The following KCNT2 variants were observed in gnomAD, a reference collection of about 807,000 sequenced individuals.
KCNT2 encodes the protein potassium channel subfamily T member 2.
Under a neutral mutation model 153.8 loss-of-function variants are expected in KCNT2, and 67 were observed. The ratio of observed to expected loss-of-function variants is 0.44; its 90% confidence interval spans 0.36 to 0.53. The LOEUF is 0.53. KCNT2 is among the 20% of genes least tolerant of loss of function. The pLI is 0.00. For synonymous variants in KCNT2, 500 were observed against 458.8 expected, an observed-to-expected ratio of 1.09 and a Z score of -1.15; for missense variants, 975 against 1,354.8, an observed-to-expected ratio of 0.72 and a Z score of 4.40.
chr1:196,332,696 A>G (rs1228230907), intron 17 of KCNT2, among the ~76,000 whole-genome samples: 2 of 152,082 alleles, frequency 1.3e-5, no homozygotes, highest in Non-Finnish European at 2.9e-5. Flanking sequence ...TTTTGTATAA[A>G]CACTTTTTCT....
chr1:196,334,487 C>CT (rs533230418), intron 16 of KCNT2, among the ~76,000 whole-genome samples: 17 of 87,276 alleles, frequency 1.9e-4, no homozygotes, highest in Admixed American at 4.1e-4. Context: ...TTCTTTCTTT[C>CT]TTTTTTTTTT....
At chr1:196,316,817 G>T (rs1014690757) in intron 20 of KCNT2, among the ~76,000 whole-genome samples, 10 of 151,658 alleles carry the variant, frequency 6.6e-5, no homozygotes, top group Non-Finnish European at 1.5e-4. Context: ...CTGAAACAGG[G>T]AAACATTATT....
At chr1:196,486,786 C>T (rs193299220) in intron 3 of KCNT2, among the ~76,000 whole-genome samples, 1 of 151,478 alleles carries the variant, frequency 6.6e-6, no homozygotes, top group Admixed American at 6.6e-5. Context: ...TTATACAACC[C>T]CCCTGACCAT....
intron 1 of KCNT2, among the ~76,000 whole-genome samples, chr1:196,504,065 T>TA (rs1241432738): frequency 6.6e-6 from 1 of 152,160 alleles, no homozygotes; most frequent in Admixed American, 6.5e-5. Context: ...AATACAAACT[T>TA]ACGACAATAC....
chr1:196,319,139 G>A (rs1418092096), intron 20 of KCNT2, among the ~76,000 whole-genome samples: 4 of 151,684 alleles, frequency 2.6e-5, no homozygotes, highest in East Asian at 1.9e-4. Flanking sequence ...AGAAGTTATC[G>A]TAACGCTATC....
intron 1 of KCNT2, among the ~76,000 whole-genome samples, chr1:196,508,189 C>CAAAAAAAAAAAAA (rs10539910): frequency 6.2e-4 from 37 of 59,978 alleles, no homozygotes; most frequent in African/African-American, 7.5e-4. Context: ...CCCTAAGTAG[C>CAAAAAAAAAAAAA]AAAAAAAAAA....
intron 16 of KCNT2, among the ~76,000 whole-genome samples, chr1:196,336,019 TTGACAAAATAGAACCC>T (rs2148128730): frequency 6.6e-6 from 1 of 152,200 alleles, no homozygotes; most frequent in African/African-American, 2.4e-5. Context: ...TTCCACCCTC[TTGACAAAATAGAACCC>T]TGCTTAAGTT....
intron 12 of KCNT2, among the ~76,000 whole-genome samples, chr1:196,418,185 C>A (rs981689533): frequency 3.3e-5 from 5 of 151,690 alleles, no homozygotes; most frequent in African/African-American, 1.2e-4. Flanking sequence ...AAAAAAATAC[C>A]CCAGATTTGG....
At chr1:196,389,335 G>A (rs1670272945) in intron 13 of KCNT2, among the ~76,000 whole-genome samples, 1 of 151,564 alleles carries the variant, frequency 6.6e-6, no homozygotes, top group Non-Finnish European at 1.5e-5. Flanking sequence ...ATCAAATAAT[G>A]CCGGCCTTAC....
chr1:196,407,190 C>T (rs78137077), intron 12 of KCNT2, among the ~76,000 whole-genome samples: 8,725 of 151,332 alleles, frequency 0.058, 391 homozygotes, highest in Non-Finnish European at 0.085. Flanking sequence ...TTGAATTTTC[C>T]CTGATCTAGT....
intron 24 of KCNT2, among the ~76,000 whole-genome samples, chr1:196,281,231 G>A (rs984658792): frequency 6.6e-6 from 1 of 152,108 alleles, no homozygotes; most frequent in Non-Finnish European, 1.5e-5. Context: ...AATATTTCAT[G>A]CTTATCCATG....
intron 1 of KCNT2, among the ~76,000 whole-genome samples, chr1:196,607,555 G>T (rs1003835478): frequency 1.3e-5 from 2 of 152,084 alleles, no homozygotes; most frequent in African/African-American, 4.8e-5. Flanking sequence ...GTTATGAAAA[G>T]GTTGTATCAT....
At chr1:196,583,844 A>C (rs2148983254) in intron 1 of KCNT2, among the ~76,000 whole-genome samples, 1 of 152,238 alleles carries the variant, frequency 6.6e-6, no homozygotes, top group East Asian at 1.9e-4. Flanking sequence ...AGGAAAGAAA[A>C]GTTCAGGTTA....
intron 5 of KCNT2, among the ~76,000 whole-genome samples, chr1:196,472,586 T>A (rs1488406936): frequency 6.6e-6 from 1 of 152,200 alleles, no homozygotes; most frequent in Non-Finnish European, 1.5e-5. Flanking sequence ...CTTAATCCAC[T>A]GATTCACATC....
chr1:196,368,501 C>T (rs80266543), intron 14 of KCNT2, among the ~76,000 whole-genome samples: 4,931 of 152,202 alleles, frequency 0.032, 265 homozygotes, highest in African/African-American at 0.11. Context: ...CATTTCTTAT[C>T]ATTCCTTAAT....
chr1:196,452,405 T>C (rs2148623881), intron 8 of KCNT2, among the ~76,000 whole-genome samples: 1 of 152,048 alleles, frequency 6.6e-6, no homozygotes, highest in Non-Finnish European at 1.5e-5. Flanking sequence ...CCCAGATCAT[T>C]ATCCCTATTC....
intron 22 of KCNT2, among the ~76,000 whole-genome samples, chr1:196,302,473 A>G (rs570625999): frequency 1.3e-5 from 2 of 152,162 alleles, no homozygotes; most frequent in African/African-American, 4.8e-5. Flanking sequence ...TGAAATAAAG[A>G]TGTTGTCAAG....
At chr1:196,351,147 A>G (rs1011453756) in intron 14 of KCNT2, among the ~76,000 whole-genome samples, 3 of 152,168 alleles carry the variant, frequency 2.0e-5, no homozygotes, top group Non-Finnish European at 4.4e-5. Context: ...TGATGCCTCC[A>G]GCTTTGTTCT....
intron 25 of KCNT2, among the ~76,000 whole-genome samples, chr1:196,276,104 G>A (rs1011156842): frequency 6.6e-6 from 1 of 151,454 alleles, no homozygotes; most frequent in African/African-American, 2.4e-5. Flanking sequence ...TTCAGTTTCT[G>A]CTTTTATCTA....
Sources: gnomAD v4.1 joint callset for allele counts (sites outside exome capture counted in the v4.1 genomes callset) on GRCh38, gnomAD v4.1.1 for gene constraint, MANE v1.5 for transcripts, NCBI Gene and HGNC (gene_info 2026-07-23, HGNC 2026-07-21) for gene names.